Variants in GRIA4 observed in about 807,000 individuals in gnomAD.
GRIA4 encodes glutamate ionotropic receptor AMPA type subunit 4.
GRIA4 carries 34 observed loss-of-function variants against 104.0 expected under a neutral mutation model. That is an observed-to-expected ratio of 0.33 (90% CI 0.25 to 0.44). The LOEUF (loss-of-function observed/expected upper bound fraction) is 0.44, where lower values mean the gene tolerates loss of function less well. Among genes scored for constraint, GRIA4 ranks in the 20% least tolerant of loss-of-function variants. The pLI, the probability that GRIA4 is intolerant of heterozygous loss-of-function variation, is 1.00. For missense variants in GRIA4, 750 were observed against 1,096.5 expected, an observed-to-expected ratio of 0.68 and a Z score of 4.46; for synonymous variants, 386 against 381.9, an observed-to-expected ratio of 1.01 and a Z score of -0.13.
At chr11:105,848,568 T>C (rs932997289) in intron 4 of GRIA4, among the ~76,000 whole-genome samples, 4 of 152,204 alleles carry the variant, frequency 2.6e-5, no homozygotes, top group Non-Finnish European at 5.9e-5. Flanking sequence ...AATTAATACC[T>C]ATGCATTTCT....
At chr11:105,907,759 T>A (rs2136155546) in intron 9 of GRIA4, among the ~76,000 whole-genome samples, 1 of 152,318 alleles carries the variant, frequency 6.6e-6, no homozygotes, top group South Asian at 2.1e-4. Context: ...TGATGTGCAT[T>A]TTTATATTCA....
intron 4 of GRIA4, among the ~76,000 whole-genome samples, chr11:105,852,992 T>C (rs1332528260): frequency 1.3e-5 from 2 of 149,462 alleles, no homozygotes; most frequent in African/African-American, 4.9e-5. Context: ...CATGTGAATA[T>C]AACAAGCTGA....
intron 3 of GRIA4, among the ~76,000 whole-genome samples, chr11:105,723,417 G>C (rs979318142): frequency 6.6e-6 from 1 of 151,826 alleles, no homozygotes; most frequent in African/African-American, 2.4e-5. Context: ...TTTTTTTCCA[G>C]AATAAAATAT....
intron 5 of GRIA4, among the ~76,000 whole-genome samples, chr11:105,878,697 G>A (rs1456126814): frequency 6.6e-6 from 1 of 152,168 alleles, no homozygotes; most frequent in Non-Finnish European, 1.5e-5. Flanking sequence ...AAACTTCCTG[G>A]AGACTTTGTT....
rs1030206528 is a variant in GRIA4, at chr11:105,811,060, A to G, written c.488-50964A>G. ...ATGAGTGGAGGGAGAGGGTTGAACT[A>G]TTTGGGAGCGATGAGTTGCATTTTT... On this transcript the variant is annotated intron_variant, in intron 4 of 16. Transcript: ENST00000282499. 2.8e-4 allele frequency among the ~76,000 whole-genome samples: 42 copies of G among 152,156 alleles called. 1 individual carries two copies. The highest frequency in any genetic ancestry group is 2.4e-3 in the Admixed American group (37 of 15,276).
At chr11:105,949,708 GA>G (rs1948414440) in intron 14 of GRIA4, among the ~76,000 whole-genome samples, 1 of 152,166 alleles carries the variant, frequency 6.6e-6, no homozygotes, top group South Asian at 2.1e-4. Context: ...AAAATGTTAA[GA>G]AATTCAGAAA....
intron 8 of GRIA4, among the ~76,000 whole-genome samples, chr11:105,904,983 C>T (rs1946991217): frequency 1.3e-5 from 2 of 152,086 alleles, no homozygotes; most frequent in African/African-American, 4.8e-5. Context: ...AAAACATATT[C>T]CTCTTCCAGG....
At chr11:105,618,688 T>C (rs1307288520) in intron 3 of GRIA4, among the ~76,000 whole-genome samples, 2 of 151,900 alleles carry the variant, frequency 1.3e-5, no homozygotes, top group Non-Finnish European at 2.9e-5. Flanking sequence ...GATTTGGACA[T>C]GTGTGTCTGG....
At position 105,979,893 on chromosome 11, in the gene GRIA4, A is replaced by T; in HGVS notation, c.*154A>T. 1 of 550,542 alleles carries T rather than the reference A, an allele frequency of 1.8e-6. No individual in the cohort carries two copies. The highest frequency in any genetic ancestry group is 3.3e-6 in the Non-Finnish European group (1 of 307,340). 34.1% of individuals were successfully genotyped at this position (550,542 alleles called of 1,614,324 possible). On this transcript the variant is annotated 3_prime_UTR_variant, in exon 17 of 17. Coordinates refer to ENST00000282499, the MANE Select transcript of GRIA4 (RefSeq NM_000829.4). ...AACGCGCTGGCCGGACATCAGCAGC[A>T]GCAACGTGTGCATGAGCTCAGCTCG...
At chr11:105,882,367 T>C (rs139597527) in intron 5 of GRIA4, among the ~76,000 whole-genome samples, 98 of 152,296 alleles carry the variant, frequency 6.4e-4, no homozygotes, top group African/African-American at 2.3e-3. Context: ...CTGGTAGTAA[T>C]AGTTAGAAAT....
intron 4 of GRIA4, among the ~76,000 whole-genome samples, chr11:105,774,556 T>C (rs971239275): frequency 6.6e-5 from 10 of 152,138 alleles, no homozygotes; most frequent in Non-Finnish European, 1.3e-4. Context: ...TTGAGGCTAA[T>C]AAAAAGATGT....
chr11:105,917,815 GGTGTGTGTGTGTGT>G (rs147308478), intron 10 of GRIA4, among the ~76,000 whole-genome samples: 10 of 142,688 alleles, frequency 7.0e-5, no homozygotes, highest in African/African-American at 1.6e-4. Context: ...TTGGTTTAAG[GGTGTGTGTGTGTGT>G]GTGTGTGTGT....
At chr11:105,854,072 G>A (rs1944919087) in intron 4 of GRIA4, among the ~76,000 whole-genome samples, 1 of 152,100 alleles carries the variant, frequency 6.6e-6, no homozygotes, top group Admixed American at 6.5e-5. Flanking sequence ...GTCCCTTTTA[G>A]ATGCCAAGTC....
intron 4 of GRIA4, among the ~76,000 whole-genome samples, chr11:105,778,918 A>G (rs1292648923): frequency 1.5e-5 from 2 of 136,736 alleles, no homozygotes; most frequent in African/African-American, 5.4e-5. Context: ...TATATCTCCT[A>G]ATACTATCCC....
At chr11:105,732,154 G>C (rs10895871) in intron 3 of GRIA4, among the ~76,000 whole-genome samples, 83,219 of 151,964 alleles carry the variant, frequency 0.55, 22,922 homozygotes, top group Admixed American at 0.62. Flanking sequence ...GAATTAAAGA[G>C]TGGGGGAAGG....
intron 3 of GRIA4, among the ~76,000 whole-genome samples, chr11:105,692,803 CTT>C (rs1292972813): frequency 6.6e-6 from 1 of 152,152 alleles, no homozygotes; most frequent in Non-Finnish European, 1.5e-5. Flanking sequence ...ATGCAAATAA[CTT>C]AATATAGATT....
chr11:105,942,788 TA>T (rs1375156917), intron 14 of GRIA4, among the ~76,000 whole-genome samples: 1 of 152,100 alleles, frequency 6.6e-6, no homozygotes, highest in Non-Finnish European at 1.5e-5. Context: ...TAGCTTATTT[TA>T]AAAACTAGAT....
At chr11:105,867,246 A>C (rs1261192269) in intron 5 of GRIA4, among the ~76,000 whole-genome samples, 1 of 152,184 alleles carries the variant, frequency 6.6e-6, no homozygotes, top group African/African-American at 2.4e-5. Context: ...AAGATCAATG[A>C]GAAAGAGAGG....
At chr11:105,667,012 T>C (rs780726237) in intron 3 of GRIA4, among the ~76,000 whole-genome samples, 2 of 151,990 alleles carry the variant, frequency 1.3e-5, no homozygotes, top group African/African-American at 2.4e-5. Context: ...CATGAAGTGG[T>C]TCCTACAATG....
Sources: gnomAD v4.1 joint callset for allele counts (sites outside exome capture counted in the v4.1 genomes callset) on GRCh38, gnomAD v4.1.1 for gene constraint, MANE v1.5 for transcripts, NCBI Gene and HGNC (gene_info 2026-07-23, HGNC 2026-07-21) for gene names.